Variants in ADHFE1 observed in about 807,000 individuals in gnomAD.
ADHFE1 encodes hydroxyacid-oxoacid transhydrogenase, mitochondrial.
Under a neutral mutation model 54.8 loss-of-function variants are expected in ADHFE1, and 37 were observed. The observed-to-expected ratio is 0.68, with a 90% CI of 0.52 to 0.89. The LOEUF (loss-of-function observed/expected upper bound fraction) is 0.89. Among genes scored for constraint, ADHFE1 ranks in the 40% least tolerant of loss-of-function variants. ADHFE1 has a pLI of 0.00. For synonymous variants in ADHFE1, 203 were observed against 229.3 expected, an observed-to-expected ratio of 0.89 and a Z score of 1.04; for missense variants, 601 against 591.2, an observed-to-expected ratio of 1.02 and a Z score of -0.17.
At chr8:66,446,768 A>G (rs1222102087) in intron 6 of ADHFE1, among the ~76,000 whole-genome samples, 1 of 152,232 alleles carries the variant, frequency 6.6e-6, no homozygotes, top group East Asian at 1.9e-4. Flanking sequence ...GCAGACATGG[A>G]CATCATACAT....
At chr8:66,448,787 T>C in intron 7 of ADHFE1, 78 bp from the exon 8 acceptor site, 2 of 1,244,404 alleles carry the variant, frequency 1.6e-6, no homozygotes, top group Non-Finnish European at 2.3e-6. Context: ...TTTAGGGTGA[T>C]TTATTATCCT....
intron 13 of ADHFE1, among the ~76,000 whole-genome samples, chr8:66,467,800 A>G (rs1807277070): frequency 6.6e-6 from 1 of 152,234 alleles, no homozygotes; most frequent in African/African-American, 2.4e-5. Context: ...TAGTTAATAG[A>G]AAAAAACGGA....
intron 10 of ADHFE1, among the ~76,000 whole-genome samples, chr8:66,455,966 A>G (rs1238922108): frequency 6.6e-6 from 1 of 152,092 alleles, no homozygotes; most frequent in Non-Finnish European, 1.5e-5. Context: ...AACAACAAAA[A>G]AAACTATAAT....
chr8:66,446,202 G>A (rs1450639470), intron 6 of ADHFE1, among the ~76,000 whole-genome samples: 2 of 152,164 alleles, frequency 1.3e-5, no homozygotes, highest in African/African-American at 4.8e-5. Flanking sequence ...GATCAGCAGG[G>A]AGCAGCATAA....
chr8:66,468,148 T>A (rs1409829082), intron 13 of ADHFE1, 121 bp from the exon 14 acceptor site: 1 of 671,390 alleles, frequency 1.5e-6, no homozygotes, highest in African/African-American at 1.9e-5. Context: ...AATACCGTTT[T>A]TAAAGATATG....
At chr8:66,462,247 A>AC (rs775775146) in intron 13 of ADHFE1, among the ~76,000 whole-genome samples, 3 of 152,160 alleles carry the variant, frequency 2.0e-5, no homozygotes, top group Non-Finnish European at 4.4e-5. Context: ...GCTCAGGGAC[A>AC]CCGTAGACTG....
chr8:66,441,940 C>T (rs908811066), intron 2 of ADHFE1, among the ~76,000 whole-genome samples: 1 of 150,798 alleles, frequency 6.6e-6, no homozygotes, highest in Non-Finnish European at 1.5e-5. Flanking sequence ...CCACTGCACT[C>T]TAGCCTGGGT....
intron 2 of ADHFE1, among the ~76,000 whole-genome samples, chr8:66,442,406 G>C (rs888644359): frequency 6.6e-6 from 1 of 151,140 alleles, no homozygotes; most frequent in Non-Finnish European, 1.5e-5. Flanking sequence ...CACCTCCCAG[G>C]TTCACACCAT....
chr8:66,450,201 G>A (rs1806229424), intron 8 of ADHFE1, among the ~76,000 whole-genome samples: 2 of 152,146 alleles, frequency 1.3e-5, no homozygotes, highest in African/African-American at 4.8e-5. Flanking sequence ...GAACTTTGAT[G>A]AGCTGTTCCC....
intron 13 of ADHFE1, among the ~76,000 whole-genome samples, chr8:66,465,737 C>G (rs1212519404): frequency 6.6e-6 from 1 of 151,104 alleles, no homozygotes; most frequent in African/African-American, 2.4e-5. Flanking sequence ...GTAACTGGGA[C>G]TACAGGCGTG....
At chr8:66,438,507 CG>C (rs1434107689) in intron 1 of ADHFE1, among the ~76,000 whole-genome samples, 1 of 152,114 alleles carries the variant, frequency 6.6e-6, no homozygotes, top group Non-Finnish European at 1.5e-5. Flanking sequence ...TGTGGCCACG[CG>C]TTTCATGCTG....
Position 66,451,989 on chromosome 8 carries a change from C to T in ADHFE1, c.771C>T (p.His257=). The change falls in exon 9 of 14, where the codon CAC becomes CAT. Residue 257 remains histidine, a synonymous_variant. Transcript: ENST00000396623. ...ALESYTTLPY[H]LRSPCPSNPI... ...AGTCATACACCACCCTGCCCTACCA[C>T]CTGCGGAGCCCCTGCCCTTCAAATC... 1.2e-6 allele frequency: 2 copies of T among 1,614,196 alleles called. No individual in the cohort carries two copies. Among genetic ancestry groups the T allele is most frequent in the Non-Finnish European group, 1.7e-6 (2 of 1,180,012 alleles).
At chr8:66,465,030 T>A (rs1807095635) in intron 13 of ADHFE1, among the ~76,000 whole-genome samples, 1 of 152,256 alleles carries the variant, frequency 6.6e-6, no homozygotes, top group African/African-American at 2.4e-5. Flanking sequence ...ATCCACGTTG[T>A]AGCATGTGTC....
At chr8:66,459,151 A>G (rs1018238533) in intron 12 of ADHFE1, among the ~76,000 whole-genome samples, 32 of 152,200 alleles carry the variant, frequency 2.1e-4, no homozygotes, top group African/African-American at 7.7e-4. Flanking sequence ...TTTGAACAAT[A>G]CAAGAGAAAG....
intron 13 of ADHFE1, among the ~76,000 whole-genome samples, chr8:66,461,200 G>A (rs1415123034): frequency 6.6e-6 from 1 of 152,190 alleles, no homozygotes; most frequent in Non-Finnish European, 1.5e-5. Context: ...CAGAGCATGA[G>A]TGCTTGGTTG....
intron 1 of ADHFE1, among the ~76,000 whole-genome samples, chr8:66,434,048 A>G (rs894357284): frequency 6.6e-6 from 1 of 152,250 alleles, no homozygotes; most frequent in African/African-American, 2.4e-5. Flanking sequence ...AGGAAGGACT[A>G]GAGGTCATTG....
intron 5 of ADHFE1, 117 bp from the exon 6 acceptor site, chr8:66,445,100 CA>C (rs143198813): frequency 1.3e-3 from 1,087 of 861,452 alleles, no homozygotes; most frequent in Non-Finnish European, 1.4e-3. Flanking sequence ...GACTCCGTCT[CA>C]AAAAAAAAAC....
At chr8:66,459,432 T>TATATATATATATATA (rs200118083) in intron 12 of ADHFE1, 1 of 81,710 alleles carries the variant, frequency 1.2e-5, no homozygotes, top group African/African-American at 4.9e-5. Flanking sequence ...ATATATATAT[T>TATATATATATATATA]TTTTTTTTTT....
At position 66,439,541 on chromosome 8, in the gene ADHFE1, G is replaced by T. The variant is rs1014420960; in HGVS notation, c.60-621G>T. 4.3e-5 allele frequency: 42 copies of T among 985,616 alleles called. No individual in the cohort carries two copies. The highest frequency in any genetic ancestry group is 4.9e-5 in the Non-Finnish European group (41 of 830,186). 61.1% of individuals were successfully genotyped at this position (985,616 alleles called of 1,614,324 possible). On this transcript the variant is annotated intron_variant, in intron 1 of 13. Coordinates refer to ENST00000396623, the MANE Select transcript of ADHFE1 (RefSeq NM_144650.3). The surrounding 1 kb of genome is among the most constrained non-coding windows in gnomAD (Gnocchi z 4.4). The stretch of plus-strand genomic sequence containing the variant: ...CGGTGGCGACCTCGGAGCGCACCGG[G>T]TGTGCGCGCAGCTGGGGCCTCTGGG...
Sources: allele counts gnomAD v4.1 joint callset (sites outside exome capture counted in the v4.1 genomes callset), GRCh38; gene constraint gnomAD v4.1.1; non-coding constraint Gnocchi (gnomAD v3.1); transcripts MANE v1.5; gene names NCBI Gene and HGNC (gene_info 2026-07-23, HGNC 2026-07-21).